UBE2E2: variants seen among roughly 807,000 people sequenced by gnomAD.
The protein encoded by UBE2E2 is ubiquitin conjugating enzyme E2 E2, also known as ubiquitin-conjugating enzyme E2 E2.
In UBE2E2, 6 loss-of-function variants were observed where a neutral mutation model predicts 24.7. The ratio of observed to expected loss-of-function variants is 0.24; its 90% CI spans 0.13 to 0.48. UBE2E2 has a LOEUF of 0.48. Ranked by LOEUF, UBE2E2 falls within the 20% of genes least tolerant of loss-of-function variation. The pLI, the probability that UBE2E2 is intolerant of heterozygous loss-of-function variation, is 0.99. For synonymous variants in UBE2E2, 104 were observed against 83.6 expected (o/e 1.24, Z -1.33); for missense variants, 169 against 245.0 (o/e 0.69, Z 2.07).
At chr3:23,358,674 A>G in intron 3 of UBE2E2, among the ~76,000 whole-genome samples, 1 of 152,196 alleles carries the variant, frequency 6.6e-6, no homozygotes. Context: ...TTTTGCTTCT[A>G]CCTCTTTTAT....
intron 3 of UBE2E2, among the ~76,000 whole-genome samples, chr3:23,403,696 C>A (rs895361234): frequency 1.3e-5 from 2 of 151,644 alleles, no homozygotes; most frequent in Middle Eastern, 6.8e-3. Flanking sequence ...TGGTGGTGCA[C>A]GCCTGTAGTT....
At chr3:23,274,770 G>A (rs4858489) in intron 3 of UBE2E2, among the ~76,000 whole-genome samples, 127,962 of 152,194 alleles carry the variant, frequency 0.84, 53,899 homozygotes, top group African/African-American at 0.9. Context: ...GATATTATTT[G>A]TAAATATTCT....
At chr3:23,272,242 G>A (rs1273992889) in intron 3 of UBE2E2, among the ~76,000 whole-genome samples, 2 of 152,168 alleles carry the variant, frequency 1.3e-5, no homozygotes, top group African/African-American at 2.4e-5. Flanking sequence ...GGGATCCGGC[G>A]CTCCCTGGCC....
chr3:23,442,727 A>G (rs766959538), intron 3 of UBE2E2, among the ~76,000 whole-genome samples: 1 of 152,172 alleles, frequency 6.6e-6, no homozygotes, highest in Non-Finnish European at 1.5e-5. Flanking sequence ...CAGCCAGATC[A>G]TCCTTTCCTC....
Position 23,376,619 on chromosome 3 carries a change from A to G in UBE2E2, c.228-122989A>G, listed in dbSNP as rs71322178. Among the ~76,000 whole-genome samples, 1,280 of 152,318 alleles carry G rather than the reference A, an allele frequency of 8.4e-3. 8 individuals carry two copies. The highest frequency in any genetic ancestry group is 0.013 in the Non-Finnish European group (911 of 68,024). On this transcript the variant is annotated intron_variant, in intron 3 of 5. Transcript: ENST00000396703. Reference sequence around the variant, plus strand: ...AGCCTATAGAGAAACTGGCTTGACCAATACAGTGGAGATCTGTTACCACAG... The same window carrying G: ...AGCCTATAGAGAAACTGGCTTGACCGATACAGTGGAGATCTGTTACCACAG...
chr3:23,328,483 T>G (rs114524569), intron 3 of UBE2E2, among the ~76,000 whole-genome samples: 5 of 152,202 alleles, frequency 3.3e-5, no homozygotes, highest in Non-Finnish European at 7.3e-5. Flanking sequence ...ATGTAAGTAT[T>G]CAAGCATGTT....
At chr3:23,224,156 G>GTTTTTTTTTTTTTTTTTTTTT (rs531661466) in intron 3 of UBE2E2, among the ~76,000 whole-genome samples, 1 of 93,718 alleles carries the variant, frequency 1.1e-5, no homozygotes, top group Non-Finnish European at 2.0e-5. Context: ...TAAATTTTAG[G>GTTTTTTTTTTTTTTTTTTTTT]TTTTTTTTTT....
At chr3:23,581,966 T>G (rs923973333) in intron 5 of UBE2E2, among the ~76,000 whole-genome samples, 3 of 152,136 alleles carry the variant, frequency 2.0e-5, no homozygotes, top group Non-Finnish European at 4.4e-5. Flanking sequence ...ATTATATAGG[T>G]CAATTGCATG....
intron 3 of UBE2E2, among the ~76,000 whole-genome samples, chr3:23,234,539 A>G (rs1299488406): frequency 6.6e-6 from 1 of 152,184 alleles, no homozygotes; most frequent in Non-Finnish European, 1.5e-5. Context: ...ACACTTTCCT[A>G]GGTAAGAGAT....
chr3:23,270,457 G>A (rs1698208186), intron 3 of UBE2E2, among the ~76,000 whole-genome samples: 2 of 152,108 alleles, frequency 1.3e-5, no homozygotes, highest in Admixed American at 1.3e-4. Context: ...TGGAACCAAG[G>A]CTTGGAGTTA....
intron 3 of UBE2E2, among the ~76,000 whole-genome samples, chr3:23,434,808 A>G (rs537315547): frequency 1.6e-4 from 24 of 152,080 alleles, no homozygotes; most frequent in Non-Finnish European, 3.2e-4. Context: ...ATTAGCTCCA[A>G]TTTTCCCCTT....
chr3:23,367,751 T>C (rs1471582642), intron 3 of UBE2E2, among the ~76,000 whole-genome samples: 1 of 151,938 alleles, frequency 6.6e-6, no homozygotes, highest in Admixed American at 6.6e-5. Flanking sequence ...CCCAGACTTG[T>C]GACTGTTGTG....
chr3:23,245,560 A>G (rs924077407), intron 3 of UBE2E2, among the ~76,000 whole-genome samples: 1 of 152,194 alleles, frequency 6.6e-6, no homozygotes, highest in South Asian at 2.1e-4. Flanking sequence ...AAATACTACA[A>G]CTAAACTTAA....
intron 3 of UBE2E2, among the ~76,000 whole-genome samples, chr3:23,350,793 C>T (rs1695723553): frequency 6.6e-6 from 1 of 152,198 alleles, no homozygotes; most frequent in African/African-American, 2.4e-5. Context: ...GAGAAAGGAA[C>T]CAAGTGGGAA....
At position 23,581,551 on chromosome 3, in the gene UBE2E2, G is replaced by T. The variant is rs893540251; in HGVS notation, c.509-8183G>T. Among the ~76,000 whole-genome samples the T allele has an allele frequency of 2.0e-5, 3 of 152,198 alleles. No homozygotes were observed. In the South Asian group the frequency reaches 6.2e-4, roughly 31 times the overall value. On this transcript the variant is annotated intron_variant, in intron 5 of 5. Transcript: ENST00000396703. ...TAATTCTCATAACAAACTATGAAGT[G>T]TAGGTACCATTATTCTCCCCATTTT...
At chr3:23,315,192 T>A (rs1168906895) in intron 3 of UBE2E2, among the ~76,000 whole-genome samples, 2 of 151,882 alleles carry the variant, frequency 1.3e-5, no homozygotes, top group African/African-American at 4.8e-5. Context: ...ACTCTTCCCC[T>A]CCCCTTTCCC....
chr3:23,477,934 C>G (rs1699175055), intron 3 of UBE2E2, among the ~76,000 whole-genome samples: 1 of 152,248 alleles, frequency 6.6e-6, no homozygotes, highest in Admixed American at 6.5e-5. Context: ...TCACCCTTCT[C>G]TCTCCTGTCA....
At chr3:23,535,966 T>G (rs944545482) in intron 5 of UBE2E2, among the ~76,000 whole-genome samples, 1 of 152,220 alleles carries the variant, frequency 6.6e-6, no homozygotes, top group Non-Finnish European at 1.5e-5. Context: ...CTGAGTTTAG[T>G]CTTGCTTACT....
intron 3 of UBE2E2, among the ~76,000 whole-genome samples, chr3:23,400,768 G>T (rs1697204002): frequency 6.6e-6 from 1 of 151,994 alleles, no homozygotes; most frequent in African/African-American, 2.4e-5. Context: ...TAATAGGCCA[G>T]ACTTCCTTCC....
Sources: gnomAD v4.1 joint callset for allele counts (sites outside exome capture counted in the v4.1 genomes callset) on GRCh38, gnomAD v4.1.1 for gene constraint, MANE v1.5 for transcripts, NCBI Gene and HGNC (gene_info 2026-07-23, HGNC 2026-07-21) for gene names.